ATP8B4: variants seen among roughly 807,000 people sequenced by gnomAD.
ATP8B4 encodes the protein probable phospholipid-transporting ATPase IM.
ATP8B4 carries 133 observed loss-of-function variants against 145.6 expected under a neutral mutation model. The observed-to-expected ratio is 0.91, with a 90% CI of 0.79 to 1.05. ATP8B4 has a LOEUF of 1.05. Ranked by LOEUF, ATP8B4 falls within the 50% of genes least tolerant of loss-of-function variation. The pLI is 0.00. For synonymous variants in ATP8B4, 507 were observed against 492.9 expected, an observed-to-expected ratio of 1.03 and a Z score of -0.38; for missense variants, 1,458 against 1,425.2, an observed-to-expected ratio of 1.02 and a Z score of -0.37.
At chr15:50,179,522 A>G (rs1265920675) in intron 1 of ATP8B4, among the ~76,000 whole-genome samples, 3 of 152,242 alleles carry the variant, frequency 2.0e-5, no homozygotes, top group Admixed American at 6.5e-5. Flanking sequence ...GATGGCAGCA[A>G]TATTTCCAGG....
chr15:49,928,048 C>T lies in ATP8B4; in HGVS notation c.1642+3071G>A, dbSNP rs77624324. 9.9e-3 allele frequency among the ~76,000 whole-genome samples: 1,506 copies of T among 152,180 alleles called. 32 individuals carry two copies. Among genetic ancestry groups the T allele is most frequent in the African/African-American group, 0.035 (1,465 of 41,544 alleles). Reference sequence around the variant, plus strand: ...TAGGATATTCATAATTTACAAAGTGCTGGGTTGAGTAGTATTTCATAAACA... The same window carrying T: ...TAGGATATTCATAATTTACAAAGTGTTGGGTTGAGTAGTATTTCATAAACA... On this transcript the variant is annotated intron_variant, in intron 16 of 27. Transcript: ENST00000284509.
chr15:50,157,452 CTTCT>C (rs772699514), intron 1 of ATP8B4, among the ~76,000 whole-genome samples: 6 of 152,154 alleles, frequency 3.9e-5, no homozygotes, highest in Non-Finnish European at 8.8e-5. Context: ...TCAGATCCCA[CTTCT>C]TTCTTTTTTA....
At chr15:49,899,162 G>A (rs2037748375) in intron 21 of ATP8B4, among the ~76,000 whole-genome samples, 2 of 152,006 alleles carry the variant, frequency 1.3e-5, no homozygotes. Flanking sequence ...CAAATTGCTT[G>A]TTCCTCATGA....
chr15:49,889,197 G>A (rs144044251), intron 23 of ATP8B4, among the ~76,000 whole-genome samples: 56 of 152,206 alleles, frequency 3.7e-4, no homozygotes, highest in African/African-American at 1.3e-3. Flanking sequence ...TAGGCAGAGC[G>A]CTGAAGTGGG....
intron 2 of ATP8B4, among the ~76,000 whole-genome samples, chr15:50,085,761 TATATGC>T (rs1490184250): frequency 6.7e-6 from 1 of 148,416 alleles, no homozygotes; most frequent in African/African-American, 2.5e-5. Flanking sequence ...AATGTATATG[TATATGC>T]ATATGTATGT....
intron 23 of ATP8B4, among the ~76,000 whole-genome samples, chr15:49,884,744 C>G (rs2035970091): frequency 6.6e-6 from 1 of 151,600 alleles, no homozygotes; most frequent in South Asian, 2.1e-4. Flanking sequence ...CAGCCTATAA[C>G]AGTCCATAGC....
intron 6 of ATP8B4, among the ~76,000 whole-genome samples, chr15:50,028,146 T>C (rs756527440): frequency 2.0e-5 from 3 of 152,218 alleles, no homozygotes; most frequent in Non-Finnish European, 4.4e-5. Context: ...TCTTTCCATA[T>C]GTTGCTGATG....
At chr15:50,037,501 C>T (rs2050927859) in intron 6 of ATP8B4, among the ~76,000 whole-genome samples, 1 of 152,202 alleles carries the variant, frequency 6.6e-6, no homozygotes, top group South Asian at 2.1e-4. Context: ...TGGGAGAGAA[C>T]ACATTATAAC....
chr15:50,117,855 T>C (rs1478828556), intron 1 of ATP8B4, among the ~76,000 whole-genome samples: 1 of 152,186 alleles, frequency 6.6e-6, no homozygotes, highest in Non-Finnish European at 1.5e-5. Flanking sequence ...TGCAGCAACA[T>C]GGATGGAACT....
At chr15:50,041,836 A>G (rs1312617051) in intron 5 of ATP8B4, among the ~76,000 whole-genome samples, 1 of 152,192 alleles carries the variant, frequency 6.6e-6, no homozygotes, top group East Asian at 1.9e-4. Flanking sequence ...GCTACTCAGG[A>G]GGCTGAGGCA....
chr15:50,023,939 A>T (rs904761335), intron 6 of ATP8B4, among the ~76,000 whole-genome samples: 1 of 152,148 alleles, frequency 6.6e-6, no homozygotes, highest in Non-Finnish European at 1.5e-5. Flanking sequence ...TAGTTATCTG[A>T]TGGGGTGCAA....
intron 24 of ATP8B4, among the ~76,000 whole-genome samples, chr15:49,877,442 G>A (rs2034625312): frequency 6.6e-6 from 1 of 152,200 alleles, no homozygotes; most frequent in Non-Finnish European, 1.5e-5. Context: ...GTGAACTATT[G>A]TGGGAGAGGA....
chr15:50,057,387 T>C (rs1472242456), intron 3 of ATP8B4, among the ~76,000 whole-genome samples: 2 of 152,166 alleles, frequency 1.3e-5, no homozygotes, highest in Non-Finnish European at 2.9e-5. Flanking sequence ...TATTGTACAA[T>C]CCTGTGTTCT....
In ATP8B4 at chr15:49,979,734, A is replaced by C; in HGVS notation, c.917T>G (p.Phe306Cys). The C allele has an allele frequency of 6.2e-7, 1 of 1,611,468 alleles. No individual in the cohort carries two copies. The highest frequency in any genetic ancestry group is 8.5e-7 in the Non-Finnish European group (1 of 1,177,982). ...TTCATTCCAAAAGAGGAAAGTTCTG[A>C]ATTGGTCCCCAGTTTGACTCTCCCA... is the stretch of plus-strand genomic sequence containing the variant. The part of the protein sequence containing the change: ...SIWESQTGDQ[F>C]RTFLFWNEGE... Residue 306 changes from phenylalanine (F) to cysteine (C), a missense_variant, in exon 12 of 28, where the codon TTC (phenylalanine) becomes TGC (cysteine). Phe to Cys is a radical substitution (Grantham distance 205). Coordinates refer to ENST00000284509, the MANE Select transcript of ATP8B4 (RefSeq NM_024837.4).
chr15:49,901,630 G>A (rs1215032855), intron 20 of ATP8B4, among the ~76,000 whole-genome samples: 1 of 152,102 alleles, frequency 6.6e-6, no homozygotes, highest in Admixed American at 6.5e-5. Context: ...CAAGACTAAA[G>A]ACAATTGATG....
At chr15:49,900,745 C>G (rs895890017) in intron 21 of ATP8B4, among the ~76,000 whole-genome samples, 2 of 152,094 alleles carry the variant, frequency 1.3e-5, no homozygotes, top group Non-Finnish European at 2.9e-5. Flanking sequence ...ATACATCCAC[C>G]CAGTTGCATT....
intron 3 of ATP8B4, among the ~76,000 whole-genome samples, chr15:50,072,597 A>G (rs2153633335): frequency 6.6e-6 from 1 of 152,082 alleles, no homozygotes; most frequent in African/African-American, 2.4e-5. Flanking sequence ...AAATACAATC[A>G]TTCAGGACCT....
chr15:49,992,971 GAA>G (rs2047151866), intron 9 of ATP8B4, among the ~76,000 whole-genome samples: 1 of 152,064 alleles, frequency 6.6e-6, no homozygotes, highest in East Asian at 1.9e-4. Context: ...CATGAGTCAA[GAA>G]AGTCTTTTTC....
At chr15:50,069,076 C>T (rs2053564057) in intron 3 of ATP8B4, among the ~76,000 whole-genome samples, 1 of 152,074 alleles carries the variant, frequency 6.6e-6, no homozygotes, top group South Asian at 2.1e-4. Context: ...ATTATTCATT[C>T]CTATTATTAA....
Sources: allele counts gnomAD v4.1 joint callset (sites outside exome capture counted in the v4.1 genomes callset), GRCh38; gene constraint gnomAD v4.1.1; transcripts MANE v1.5; gene names NCBI Gene and HGNC (gene_info 2026-07-23, HGNC 2026-07-21).